Variants in PCDH7 observed in about 807,000 individuals in gnomAD.
PCDH7 encodes protocadherin-7.
Under a neutral mutation model 58.9 loss-of-function variants are expected in PCDH7, and 17 were observed. That is an observed-to-expected ratio of 0.29 (90% CI 0.20 to 0.43). PCDH7 has a LOEUF of 0.43. Among genes scored for constraint, PCDH7 ranks in the 20% least tolerant of loss-of-function variants. The probability of loss-of-function intolerance (pLI) is 1.00; values close to 1 mark genes in which losing one functional copy is unlikely to be tolerated. For missense variants in PCDH7, 1,274 were observed against 1,441.0 expected (o/e 0.88, Z 1.88); for synonymous variants, 664 against 616.4 (o/e 1.08, Z -1.14).
intron 3 of PCDH7, among the ~76,000 whole-genome samples, chr4:30,964,413 T>C (rs1748798549): frequency 6.6e-6 from 1 of 151,954 alleles, no homozygotes; most frequent in African/African-American, 2.4e-5. Context: ...CACTAATTTT[T>C]TGTATTTTTA....
intron 3 of PCDH7, among the ~76,000 whole-genome samples, chr4:31,088,275 G>T (rs1712739193): frequency 6.6e-6 from 1 of 152,002 alleles, no homozygotes; most frequent in African/African-American, 2.4e-5. Context: ...GCTTCTGTTT[G>T]CTTCTGTTAA....
chr4:30,969,142 C>A (rs892131023), intron 3 of PCDH7, among the ~76,000 whole-genome samples: 2 of 152,162 alleles, frequency 1.3e-5, no homozygotes, highest in Admixed American at 1.3e-4. Flanking sequence ...GAATGCAGAA[C>A]CTAGACTTAC....
intron 1 of PCDH7, among the ~76,000 whole-genome samples, chr4:30,727,159 T>C (rs1714727077): frequency 6.6e-6 from 1 of 151,932 alleles, no homozygotes; most frequent in Non-Finnish European, 1.5e-5. Flanking sequence ...AAAATTGAGA[T>C]TTCATTTTAC....
chr4:30,837,467 T>TAA (rs1260649368), intron 1 of PCDH7, among the ~76,000 whole-genome samples: 1 of 140,850 alleles, frequency 7.1e-6, no homozygotes. Flanking sequence ...GTTGTGTCAT[T>TAA]AAAAAAAAAA....
chr4:31,015,806 T>A (rs953370896), intron 3 of PCDH7, among the ~76,000 whole-genome samples: 1 of 152,226 alleles, frequency 6.6e-6, no homozygotes, highest in Non-Finnish European at 1.5e-5. Context: ...GCCTTATTCA[T>A]AGGAGAATCT....
intron 1 of PCDH7, among the ~76,000 whole-genome samples, chr4:30,789,818 A>C (rs1011337234): frequency 6.6e-6 from 1 of 152,158 alleles, no homozygotes; most frequent in Non-Finnish European, 1.5e-5. Flanking sequence ...ATTAGACGAG[A>C]GAGTTGCAGA....
At position 30,722,574 on chromosome 4, in the gene PCDH7, G is replaced by A. The variant is rs1209169633; in HGVS notation, c.1152G>A (p.Thr384=). 5.6e-6 allele frequency: 9 copies of A among 1,612,796 alleles called. No homozygotes were observed. In the South Asian group the frequency reaches 6.6e-5, roughly 12 times the overall value. The change falls in exon 1 of 2, where the codon ACG becomes ACA. Residue 384 remains threonine, a synonymous_variant. Transcript: ENST00000361762. This position sits in a 1 kb window ranked among gnomAD's most constrained non-coding sequence, Gnocchi z 7.6. ...AGGAGGTGAACCAGCTGCGCTTCAC[G>A]GTCATGGCCCGCGACCGCGGGCAGC...
intron 3 of PCDH7, among the ~76,000 whole-genome samples, chr4:30,965,800 T>C (rs1560539507): frequency 1.3e-5 from 2 of 152,108 alleles, no homozygotes; most frequent in Non-Finnish European, 2.9e-5. Context: ...TGAAGTTTTA[T>C]AGTATTTCAA....
chr4:31,106,899 AG>A (rs1715643822), intron 3 of PCDH7, among the ~76,000 whole-genome samples: 1 of 152,220 alleles, frequency 6.6e-6, no homozygotes, highest in African/African-American at 2.4e-5. Context: ...GTTTAATAAA[AG>A]ATGAGCATCT....
Position 31,073,063 on chromosome 4 carries a change from A to G in PCDH7, c.*8-69410A>G, listed in dbSNP as rs146113446. On this transcript the variant is annotated intron_variant, in intron 3 of 3. Transcript: ENST00000509759. ...GCTGAATGTGGCCTAGATCCTGAAG[A>G]GTATGTAAATATTATAGTAGATGGA... Among the ~76,000 whole-genome samples the G allele has an allele frequency of 3.6e-4, 55 of 152,312 alleles. No individual in the cohort carries two copies. In the East Asian group the frequency reaches 0.01, roughly 29 times the overall value.
At chr4:30,876,939 T>C (rs774296145) in intron 1 of PCDH7, among the ~76,000 whole-genome samples, 15 of 152,130 alleles carry the variant, frequency 9.9e-5, no homozygotes, top group Middle Eastern at 3.4e-3. Flanking sequence ...CGGTGTGTGA[T>C]GTTCCCCTCC....
chr4:30,900,045 G>A (rs534208758), intron 1 of PCDH7, among the ~76,000 whole-genome samples: 6 of 152,292 alleles, frequency 3.9e-5, no homozygotes, highest in Admixed American at 3.3e-4. Flanking sequence ...ATCGTCTGAT[G>A]TTTGGCTAAA....
intron 2 of PCDH7, among the ~76,000 whole-genome samples, chr4:30,931,975 C>T (rs527761026): frequency 6.6e-6 from 1 of 151,994 alleles, no homozygotes; most frequent in Non-Finnish European, 1.5e-5. Flanking sequence ...TTATTTTATA[C>T]TATGCAATTA....
chr4:30,887,298 T>A (rs1419648817), intron 1 of PCDH7, among the ~76,000 whole-genome samples: 1 of 152,152 alleles, frequency 6.6e-6, no homozygotes, highest in African/African-American at 2.4e-5. Flanking sequence ...AAAGCTGGGA[T>A]TGCTATAAGC....
chr4:30,824,156 TTTC>T (rs796878411), intron 1 of PCDH7, among the ~76,000 whole-genome samples: 3 of 144,190 alleles, frequency 2.1e-5, no homozygotes, highest in African/African-American at 7.7e-5. Context: ...TCTTTCTTTC[TTTC>T]TTTTTGCTTC....
At chr4:30,729,814 T>C (rs1045953794) in intron 1 of PCDH7, among the ~76,000 whole-genome samples, 7 of 152,038 alleles carry the variant, frequency 4.6e-5, no homozygotes, top group Admixed American at 3.3e-4. Context: ...CTTAATTTGT[T>C]TTCTAGCAAG....
Position 31,058,451 on chromosome 4 carries a change from TA to T in PCDH7, c.*8-84019del, listed in dbSNP as rs1382904429. Among the ~76,000 whole-genome samples, 4 of 152,072 alleles carry T rather than the reference TA, an allele frequency of 2.6e-5. No individual in the cohort carries two copies. In the South Asian group the frequency reaches 8.3e-4, roughly 31 times the overall value. On this transcript the variant is annotated intron_variant, in intron 3 of 3. Coordinates refer to the PCDH7 transcript ENST00000509759. ...GAAGCAAAATTTACCCCAAAATTTA[TA>T]AATTTAACAGACAAAGAGTATGATC...
intron 3 of PCDH7, among the ~76,000 whole-genome samples, chr4:31,068,745 G>A (rs1168301529): frequency 6.6e-6 from 1 of 152,006 alleles, no homozygotes; most frequent in Non-Finnish European, 1.5e-5. Context: ...AAAGGAGGCT[G>A]TGTCTGTTGA....
chr4:30,994,597 A>G (rs61792933), intron 3 of PCDH7, among the ~76,000 whole-genome samples: 34,535 of 152,094 alleles, frequency 0.23, 4,141 homozygotes, highest in African/African-American at 0.3. Flanking sequence ...AAATACTTCA[A>G]ACTTCTACTT....
Sources: gnomAD v4.1 joint callset for allele counts (sites outside exome capture counted in the v4.1 genomes callset) on GRCh38, gnomAD v4.1.1 for gene constraint, Gnocchi (gnomAD v3.1) non-coding constraint, MANE v1.5 for transcripts, NCBI Gene and HGNC (gene_info 2026-07-23, HGNC 2026-07-21) for gene names.